Variants in PLXNA4 observed in about 807,000 individuals in gnomAD.
PLXNA4 encodes plexin-A4.
PLXNA4 carries 44 observed loss-of-function variants against 191.8 expected under a neutral mutation model. The observed-to-expected ratio is 0.23, with a 90% CI of 0.18 to 0.29. The LOEUF (loss-of-function observed/expected upper bound fraction) is 0.29, where lower values mean the gene tolerates loss of function less well. PLXNA4 is among the 10% of genes least tolerant of loss of function. The pLI, the probability that PLXNA4 is intolerant of heterozygous loss-of-function variation, is 1.00. For missense variants in PLXNA4, 1,800 were observed against 2,488.8 expected (o/e 0.72, Z 5.89); for synonymous variants, 1,082 against 1,009.5 (o/e 1.07, Z -1.36).
intron 4 of PLXNA4, among the ~76,000 whole-genome samples, chr7:132,273,361 C>G (rs958563709): frequency 6.6e-6 from 1 of 152,002 alleles, no homozygotes; most frequent in Non-Finnish European, 1.5e-5. Context: ...CACACACGCA[C>G]GCACACGCAC....
chr7:132,280,517 T>C (rs1039826964), intron 4 of PLXNA4, among the ~76,000 whole-genome samples: 1 of 152,248 alleles, frequency 6.6e-6, no homozygotes, highest in Non-Finnish European at 1.5e-5. Flanking sequence ...ATAGCCTTGA[T>C]AATGCTGTCT....
intron 5 of PLXNA4, among the ~76,000 whole-genome samples, chr7:132,234,923 G>T (rs1020884487): frequency 4.6e-5 from 7 of 152,224 alleles, no homozygotes; most frequent in African/African-American, 1.7e-4. Context: ...GTGACCAGCA[G>T]ATTAGTGTTA....
chr7:132,469,059 C>T lies in PLXNA4; in HGVS notation c.1371+20233G>A, dbSNP rs547108670. On this transcript the variant is annotated intron_variant, in intron 3 of 31. Transcript: ENST00000321063. ...AGTCTCCACATATCCCTCAGACTAA[C>T]CCCTACAGAGCTGGGTATCTCGTAG... Among the ~76,000 whole-genome samples the T allele has an allele frequency of 2.1e-5, 3 of 145,412 alleles. No individual in the cohort carries two copies. The South Asian group carries it at 6.5e-4, about 32-fold the overall frequency.
intron 3 of PLXNA4, among the ~76,000 whole-genome samples, chr7:132,347,450 A>G (rs1284791044): frequency 6.6e-6 from 1 of 152,220 alleles, no homozygotes; most frequent in African/African-American, 2.4e-5. Flanking sequence ...CATGTGTTGC[A>G]GCTGATGTGG....
intron 3 of PLXNA4, among the ~76,000 whole-genome samples, chr7:132,333,248 T>TCC (rs1802666826): frequency 6.6e-6 from 1 of 152,142 alleles, no homozygotes; most frequent in African/African-American, 2.4e-5. Context: ...GGAAGGGGTC[T>TCC]CCACAACTGG....
intron 3 of PLXNA4, among the ~76,000 whole-genome samples, chr7:132,392,033 C>A (rs1793514977): frequency 6.6e-6 from 1 of 151,894 alleles, no homozygotes; most frequent in South Asian, 2.1e-4. Context: ...GAGGCTGAGG[C>A]AGGAGAATCA....
At chr7:132,230,133 T>C (rs771285449) in intron 5 of PLXNA4, among the ~76,000 whole-genome samples, 3 of 152,172 alleles carry the variant, frequency 2.0e-5, no homozygotes, top group Admixed American at 1.3e-4. Context: ...TGCTTATTAA[T>C]AGGCACATGA....
At chr7:132,420,446 C>A (rs1794810980) in intron 3 of PLXNA4, among the ~76,000 whole-genome samples, 1 of 152,190 alleles carries the variant, frequency 6.6e-6, no homozygotes, top group Non-Finnish European at 1.5e-5. Context: ...CTCCTTGGTA[C>A]CTAGCCTCAG....
intron 2 of PLXNA4, among the ~76,000 whole-genome samples, chr7:132,594,310 G>A (rs935449721): frequency 6.6e-6 from 1 of 152,158 alleles, no homozygotes; most frequent in Non-Finnish European, 1.5e-5. Flanking sequence ...TCAAGCCAAG[G>A]AACTACCAGA....
chr7:132,465,189 C>G lies in PLXNA4; in HGVS notation c.1371+24103G>C, dbSNP rs546981091. 2.6e-4 allele frequency among the ~76,000 whole-genome samples: 40 copies of G among 152,288 alleles called. 1 individual carries two copies. In the East Asian group the frequency reaches 7.4e-3, roughly 28 times the overall value. ...GATTTCACGATTCAGTCTAGACCCC[C>G]CCACCAGGCAGTGTGGAGGCTGGGG... On this transcript the variant is annotated intron_variant, in intron 3 of 31. Transcript: ENST00000321063.
chr7:132,143,483 A>C (rs1330098416), intron 29 of PLXNA4, among the ~76,000 whole-genome samples: 2 of 152,234 alleles, frequency 1.3e-5, no homozygotes, highest in African/African-American at 4.8e-5. Context: ...AAAAGCAGGT[A>C]GAAATGTTTA....
chr7:132,185,617 G>A (rs1796853854), intron 15 of PLXNA4, among the ~76,000 whole-genome samples, 154 bp from the exon 16 acceptor site: 3 of 152,200 alleles, frequency 2.0e-5, no homozygotes, highest in Admixed American at 2.0e-4. Context: ...CAGTGACAAA[G>A]ACTCTCCTTG....
At chr7:132,251,660 A>G (rs779377100) in intron 4 of PLXNA4, among the ~76,000 whole-genome samples, 1 of 152,210 alleles carries the variant, frequency 6.6e-6, no homozygotes, top group Non-Finnish European at 1.5e-5. Context: ...ACAAAAAAAC[A>G]GTGTGTGTAA....
At chr7:132,460,454 C>G (rs1050523112) in intron 3 of PLXNA4, among the ~76,000 whole-genome samples, 1 of 152,038 alleles carries the variant, frequency 6.6e-6, no homozygotes, top group Non-Finnish European at 1.5e-5. Flanking sequence ...CTGTGCCCAC[C>G]CTTCTCTCCT....
chr7:132,430,057 A>G (rs150814687), intron 3 of PLXNA4, among the ~76,000 whole-genome samples: 4 of 152,322 alleles, frequency 2.6e-5, no homozygotes, highest in Non-Finnish European at 5.9e-5. Flanking sequence ...TATTTGTGGC[A>G]TATGAGGTAA....
At chr7:132,535,230 A>G (rs1799783551) in intron 1 of PLXNA4, among the ~76,000 whole-genome samples, 1 of 152,260 alleles carries the variant, frequency 6.6e-6, no homozygotes, top group South Asian at 2.1e-4. Flanking sequence ...ACCATCATTA[A>G]TGATGAACCT....
intron 1 of PLXNA4, among the ~76,000 whole-genome samples, chr7:132,563,695 C>CTCCTCT: frequency 8.8e-6 from 1 of 113,806 alleles, no homozygotes; most frequent in Non-Finnish European, 1.8e-5. Flanking sequence ...CCTCCTCCTC[C>CTCCTCT]TTCTCCTCCT....
At chr7:132,398,149 C>A (rs901947816) in intron 3 of PLXNA4, among the ~76,000 whole-genome samples, 10 of 152,212 alleles carry the variant, frequency 6.6e-5, no homozygotes, top group African/African-American at 2.2e-4. Flanking sequence ...GTTATGGAAC[C>A]CTTGGTGTCT....
intron 2 of PLXNA4, among the ~76,000 whole-genome samples, chr7:132,499,288 T>A (rs1798152904): frequency 6.6e-6 from 1 of 152,248 alleles, no homozygotes. Flanking sequence ...CTGGGAATAG[T>A]CTGGACAGGC....
Sources: gnomAD v4.1 joint callset for allele counts (sites outside exome capture counted in the v4.1 genomes callset) on GRCh38, gnomAD v4.1.1 for gene constraint, MANE v1.5 for transcripts, NCBI Gene and HGNC (gene_info 2026-07-23, HGNC 2026-07-21) for gene names.